The following DCHS2 variants were observed in gnomAD, a reference collection of about 807,000 sequenced individuals.
The protein encoded by DCHS2 is protocadherin-23.
In DCHS2, 142 loss-of-function variants were observed where a neutral mutation model predicts 182.4. The observed-to-expected ratio is 0.78, with a 90% confidence interval of 0.68 to 0.89. The LOEUF (loss-of-function observed/expected upper bound fraction) is 0.89, where lower values mean the gene tolerates loss of function less well. Ranked by LOEUF, DCHS2 falls within the 40% of genes least tolerant of loss-of-function variation. DCHS2 has a pLI of 0.00. For missense variants in DCHS2, 4,319 were observed against 4,198.6 expected (o/e 1.03, Z -0.79); for synonymous variants, 1,740 against 1,663.3 (o/e 1.05, Z -1.12).
At chr4:154,424,067 T>C (rs1386814785) in intron 1 of DCHS2, among the ~76,000 whole-genome samples, 2 of 152,228 alleles carry the variant, frequency 1.3e-5, no homozygotes, top group Non-Finnish European at 2.9e-5. Flanking sequence ...AAATGCTTGA[T>C]GAATTAGTAC....
At chr4:154,474,658 C>A (rs1450919123) in intron 1 of DCHS2, among the ~76,000 whole-genome samples, 1 of 151,362 alleles carries the variant, frequency 6.6e-6, no homozygotes, top group Non-Finnish European at 1.5e-5. Flanking sequence ...GAACCTGACC[C>A]TCAGGCTCCC....
intron 7 of DCHS2, chr4:154,323,458 T>G (rs956149432): frequency 1.5e-6 from 2 of 1,321,974 alleles, no homozygotes; most frequent in Non-Finnish European, 2.0e-6. Flanking sequence ...GCCTCCCAGA[T>G]AGCTGGGACT....
At chr4:154,341,627 T>C (rs1446515230) in intron 3 of DCHS2, among the ~76,000 whole-genome samples, 1 of 152,018 alleles carries the variant, frequency 6.6e-6, no homozygotes, top group East Asian at 1.9e-4. Flanking sequence ...CACACACATA[T>C]CTATCTATAT....
intron 13 of DCHS2, among the ~76,000 whole-genome samples, chr4:154,288,204 C>T (rs763945535): frequency 2.6e-5 from 4 of 152,102 alleles, no homozygotes; most frequent in Admixed American, 6.5e-5. Flanking sequence ...TGAAGAGACA[C>T]ACAGACTGAA....
In DCHS2 at chr4:154,491,026, G is replaced by A; in HGVS notation, c.330C>T (p.Ser110=). Residue 110 remains serine (S), a synonymous_variant, in exon 1 of 20, where the codon TCC becomes TCT. Transcript: ENST00000357232. ...GCACGTGGAAGTCGTCCAGCAGCGG[G>A]GAGTCATCGGAGTCCTCCGACAGAA... The part of the protein sequence containing the change: ...GFFLSEDSDD[S]PLLDDFHVHP... 1 of 1,551,016 alleles carries A rather than the reference G, an allele frequency of 6.4e-7. No individual in the cohort carries two copies. The highest frequency in any genetic ancestry group is 8.7e-7 in the Non-Finnish European group (1 of 1,146,750).
chr4:154,410,574 CAAAAAAAAAA>C (rs1160670540), intron 1 of DCHS2, among the ~76,000 whole-genome samples: 2 of 35,364 alleles, frequency 5.7e-5, no homozygotes. Flanking sequence ...GACTCCATCT[CAAAAAAAAAA>C]AAAAAAAAAA....
At chr4:154,451,808 T>C (rs1734548383) in intron 1 of DCHS2, among the ~76,000 whole-genome samples, 1 of 152,196 alleles carries the variant, frequency 6.6e-6, no homozygotes, top group East Asian at 1.9e-4. Context: ...GCCAGTGACT[T>C]GGTCGTATGT....
chr4:154,428,518 A>T (rs2110929541), intron 1 of DCHS2, among the ~76,000 whole-genome samples: 1 of 152,144 alleles, frequency 6.6e-6, no homozygotes, highest in Non-Finnish European at 1.5e-5. Context: ...CAGCTTGGGT[A>T]ACAAAGTGAG....
intron 1 of DCHS2, among the ~76,000 whole-genome samples, chr4:154,437,247 C>T (rs190029810): frequency 4.5e-4 from 68 of 152,310 alleles, no homozygotes; most frequent in Admixed American, 1.4e-3. Context: ...TAAGGAGACA[C>T]CTCCAAGTGA....
At chr4:154,473,386 G>A (rs1171097901) in intron 1 of DCHS2, among the ~76,000 whole-genome samples, 1 of 152,180 alleles carries the variant, frequency 6.6e-6, no homozygotes, top group African/African-American at 2.4e-5. Flanking sequence ...GTGACCAGCT[G>A]CAAGGAAAGA....
intron 1 of DCHS2, among the ~76,000 whole-genome samples, chr4:154,435,324 C>T (rs1579080115): frequency 1.3e-5 from 2 of 152,216 alleles, no homozygotes; most frequent in Middle Eastern, 3.4e-3. Context: ...TGGCTGGGCG[C>T]GGTGGCTCAT....
intron 1 of DCHS2, among the ~76,000 whole-genome samples, chr4:154,471,176 C>A (rs1161845680): frequency 3.9e-5 from 6 of 152,166 alleles, no homozygotes; most frequent in Non-Finnish European, 7.3e-5. Flanking sequence ...CTTAAAATCA[C>A]ACATTAAAAA....
At chr4:154,288,385 A>G (rs1361136112) in intron 13 of DCHS2, among the ~76,000 whole-genome samples, 1 of 152,204 alleles carries the variant, frequency 6.6e-6, no homozygotes, top group Non-Finnish European at 1.5e-5. Flanking sequence ...GTAAATATAT[A>G]TGCACCCACC....
chr4:154,489,673 G>A lies in DCHS2; in HGVS notation c.1683C>T (p.Val561=), dbSNP rs1728722622. 2 of 1,551,662 alleles carry A rather than the reference G, an allele frequency of 1.3e-6. No individual in the cohort carries two copies. Among genetic ancestry groups the A allele is most frequent in the East Asian group, 4.9e-5 (2 of 40,896 alleles). Reference sequence around the variant, plus strand: ...CTGCCTCGTCGGCATCGGAGGCGCTGACCCACATGACTACAGTGCCAGGGG... The same window carrying A: ...CTGCCTCGTCGGCATCGGAGGCGCTAACCCACATGACTACAGTGCCAGGGG... ...AAAPGTVVMW[V]SASDADEAGS... is the part of the protein sequence containing the mutation. The change falls in exon 1 of 20, where the codon GTC becomes GTT. Residue 561 remains valine (V), a synonymous_variant. Coordinates refer to ENST00000357232, the MANE Select transcript of DCHS2 (RefSeq NM_001358235.2).
intron 1 of DCHS2, among the ~76,000 whole-genome samples, chr4:154,446,140 T>C (rs1734276644): frequency 6.6e-6 from 1 of 152,220 alleles, no homozygotes; most frequent in Admixed American, 6.5e-5. Context: ...CAGCTCTTAA[T>C]AAATCAATAA....
intron 11 of DCHS2, 29 bp downstream of exon 11, chr4:154,305,068 T>A (rs767607952): frequency 2.6e-6 from 4 of 1,556,406 alleles, no homozygotes; most frequent in Non-Finnish European, 2.6e-6. Flanking sequence ...TTAATTTTTA[T>A]TTTTTAGCCT....
intron 10 of DCHS2, among the ~76,000 whole-genome samples, chr4:154,313,925 C>T (rs1735759314): frequency 6.6e-6 from 1 of 152,166 alleles, no homozygotes; most frequent in African/African-American, 2.4e-5. Flanking sequence ...TTATAATTAG[C>T]AGGTTGCAGA....
intron 1 of DCHS2, chr4:154,391,063 G>A (rs892776274): frequency 1.0e-6 from 1 of 966,898 alleles, no homozygotes; most frequent in South Asian, 1.8e-5. Context: ...TTTCCCTGAA[G>A]CTCAGAAGTA....
intron 14 of DCHS2, chr4:154,269,062 G>A (rs1733442119): frequency 1.3e-5 from 2 of 152,136 alleles, no homozygotes; most frequent in African/African-American, 4.8e-5. Context: ...TCGTGAACAG[G>A]TTTCCTATAC....
Sources: gnomAD v4.1 joint callset for allele counts (sites outside exome capture counted in the v4.1 genomes callset) on GRCh38, gnomAD v4.1.1 for gene constraint, MANE v1.5 for transcripts, NCBI Gene and HGNC (gene_info 2026-07-23, HGNC 2026-07-21) for gene names.